BEX2: variants seen among roughly 807,000 people sequenced by gnomAD.
BEX2 encodes protein BEX2.
A neutral mutation model predicts 4.1 loss-of-function variants in BEX2; 2 were observed. The observed-to-expected ratio is 0.49, with a 90% CI of 0.20 to 1.53. The LOEUF (loss-of-function observed/expected upper bound fraction) is 1.53, where lower values mean the gene tolerates loss of function less well. BEX2 is among the 40% of genes most tolerant of loss of function. The probability of loss-of-function intolerance (pLI) is 0.23; values close to 1 mark genes in which losing one functional copy is unlikely to be tolerated. For missense variants in BEX2, 94 were observed against 99.9 expected, an observed-to-expected ratio of 0.94 and a Z score of 0.25; for synonymous variants, 34 against 35.9, an observed-to-expected ratio of 0.95 and a Z score of 0.19.
chrX:103,310,738 C>A (rs1250152676), intron 1 of BEX2, 122 bp downstream of exon 1: 2 of 712,086 alleles, frequency 2.8e-6, no homozygotes, highest in African/African-American at 4.4e-5. Context: ...GGTCCCGCGG[C>A]GGGGCCCCGG....
chrX:103,310,436 G>A lies in BEX2; in HGVS notation c.-81-3C>T, dbSNP rs1050980142. On this transcript the variant is annotated splice_region_variant and splice_polypyrimidine_tract_variant and intron_variant, in intron 1 of 2. Coordinates refer to ENST00000372677, the MANE Select transcript of BEX2 (RefSeq NM_032621.4). Reference sequence around the variant, plus strand: ...CCGCAACACTTGGCCCCGCAAACCTGCAGACGGCCGGGGTGGGAAGAGTGG... The same window carrying A: ...CCGCAACACTTGGCCCCGCAAACCTACAGACGGCCGGGGTGGGAAGAGTGG... 8.7e-7 allele frequency: 1 copy of A among 1,155,480 alleles called. No homozygotes were observed. The highest frequency in any genetic ancestry group is 1.8e-5 in the African/African-American group (1 of 56,006).
Position 103,310,348 on chromosome X carries a change from T to C in BEX2, c.-6+10A>G, listed in dbSNP as rs764029753. ...CTGACCCCCTCCCCACCACCGTCCC[T>C]CGCACTGACCTGGGCCTATCCTTGC... is the stretch of plus-strand genomic sequence containing the variant. On this transcript the variant is annotated intron_variant, in intron 2 of 2. Coordinates refer to ENST00000372677, the MANE Select transcript of BEX2 (RefSeq NM_032621.4). 1 of 1,153,918 alleles carries C rather than the reference T, an allele frequency of 8.7e-7. No homozygotes were observed. Among genetic ancestry groups the C allele is most frequent in the Non-Finnish European group, 1.1e-6 (1 of 871,643 alleles).
intron 1 of BEX2, 85 bp from the exon 2 acceptor site, chrX:103,310,518 G>T: frequency 8.7e-7 from 1 of 1,146,573 alleles, no homozygotes; most frequent in South Asian, 1.9e-5. Flanking sequence ...CCTTCCCCAC[G>T]CCGGGCCCGG....
At chrX:103,310,046 C>A (rs763466956) in intron 2 of BEX2, 65 bp from the exon 3 acceptor site, 44 of 1,072,157 alleles carry the variant, frequency 4.1e-5, no homozygotes, top group Non-Finnish European at 5.5e-5. Flanking sequence ...GACAGAGGCC[C>A]GACTACCCAC....
intron 1 of BEX2, 29 bp from the exon 2 acceptor site, chrX:103,310,462 G>C (rs1322067616): frequency 4.3e-6 from 5 of 1,155,017 alleles, no homozygotes; most frequent in African/African-American, 1.8e-5. Context: ...GGAAGAGTGG[G>C]GGCTGCTGCA....
At chrX:103,310,022 T>C (rs1377596930) in intron 2 of BEX2, 41 bp from the exon 3 acceptor site, 3 of 1,148,208 alleles carry the variant, frequency 2.6e-6, no homozygotes, top group Non-Finnish European at 3.5e-6. Flanking sequence ...CTTGGTGAAC[T>C]GATCAGCACC....
intron 2 of BEX2, 24 bp from the exon 3 acceptor site, chrX:103,310,005 C>T (rs923643151): frequency 5.1e-6 from 6 of 1,182,141 alleles, no homozygotes; most frequent in Non-Finnish European, 6.8e-6. Flanking sequence ...AGAAAATGGA[C>T]TCAATTCTTG....
intron 1 of BEX2, 178 bp from the exon 2 acceptor site, chrX:103,310,611 G>T: frequency 8.7e-7 from 1 of 1,155,915 alleles, no homozygotes; most frequent in South Asian, 1.9e-5. Flanking sequence ...GAAGGGCGGA[G>T]CAGGGGTGTT....
chrX:103,310,268 T>C (rs1277169116), intron 2 of BEX2, 90 bp downstream of exon 2: 2 of 979,417 alleles, frequency 2.0e-6, no homozygotes, highest in African/African-American at 3.9e-5. Context: ...GGGGGATTGC[T>C]AAGTGTGGGG....
Position 103,309,997 on chromosome X carries a change from AAAATGGAC to A in BEX2, c.-5-24_-5-17del. ...TCCATTACTCCTAGGAGACAGAGAG[AAAATGGAC>A]TCAATTCTTGGTGAACTGATCAGCA... On this transcript the variant is annotated splice_polypyrimidine_tract_variant and intron_variant, in intron 2 of 2. Transcript: ENST00000372677. The A allele has an allele frequency of 8.4e-7, 1 of 1,185,325 alleles. No homozygotes were observed. The highest frequency in any genetic ancestry group is 1.1e-6 in the Non-Finnish European group (1 of 882,886).
chrX:103,310,955 C>A lies in BEX2; in HGVS notation c.-177G>T, dbSNP rs768748935. 104 of 188,304 alleles carry A rather than the reference C, an allele frequency of 5.5e-4. No individual in the cohort carries two copies. The East Asian group carries it at 0.013, about 24-fold the overall frequency. 15.5% of individuals were successfully genotyped at this position (188,304 alleles called of 1,213,427 possible). ...GTACCACTGCCGAGAAGGGAGCGAG[C>A]GACGGCGGTTCTGACGCCACAACGA... On this transcript the variant is annotated 5_prime_UTR_variant, in exon 1 of 3. Transcript: ENST00000372677.
rs757494935 is a variant in BEX2, at chrX:103,309,802, T to C, written c.175A>G (p.Arg59Gly). ...CATCTATACTGCAGGATGGGCTGCC[T>C]AACGCGGAACCGCCTACGGTTTCCT... Reference protein sequence around the residue: ...PRGNRRRFRVRQPILQYRWDI... With the variant: ...PRGNRRRFRVGQPILQYRWDI... The change falls in exon 3 of 3, where the codon AGG becomes GGG. Residue 59 changes from arginine (R) to glycine (G), a missense_variant. Arg to Gly is a moderately radical substitution (Grantham distance 125). Coordinates refer to ENST00000372677, the MANE Select transcript of BEX2 (RefSeq NM_032621.4). 68 of 1,210,376 alleles carry C rather than the reference T, an allele frequency of 5.6e-5. No individual in the cohort carries two copies. Among genetic ancestry groups the C allele is most frequent in the Middle Eastern group, 2.3e-4 (1 of 4,373 alleles).
At chrX:103,310,684 G>T in intron 1 of BEX2, 176 bp downstream of exon 1, 1 of 1,061,297 alleles carries the variant, frequency 9.4e-7, no homozygotes, top group African/African-American at 1.8e-5. Context: ...CAGGATCGCC[G>T]GCTCCCGCGG....
intron 2 of BEX2, 143 bp downstream of exon 2, chrX:103,310,215 C>A (rs1027756868): frequency 1.3e-6 from 1 of 752,066 alleles, no homozygotes; most frequent in Admixed American, 3.4e-5. Flanking sequence ...CATCTCCAGG[C>A]CTCTGCAGGC....
rs1926114844 is a variant in BEX2 at position 103,309,520 on chromosome X, A to G, written c.*70T>C. 6 of 1,161,939 alleles carry G rather than the reference A, an allele frequency of 5.2e-6. No individual in the cohort carries two copies. Among genetic ancestry groups the G allele is most frequent in the Non-Finnish European group, 6.9e-6 (6 of 869,099 alleles). On this transcript the variant is annotated 3_prime_UTR_variant, in exon 3 of 3. Coordinates refer to ENST00000372677, the MANE Select transcript of BEX2 (RefSeq NM_032621.4). The stretch of plus-strand genomic sequence containing the variant: ...GGTAACATCAAAACGTTTACGACAA[A>G]GGTACACCACAAATGTGTAAGTTTA...
chrX:103,310,052 C>A, intron 2 of BEX2, 71 bp from the exon 3 acceptor site: 1 of 1,074,146 alleles, frequency 9.3e-7, no homozygotes, highest in Non-Finnish European at 1.2e-6. Context: ...GGCCCGACTA[C>A]CCACCTTTCA....
At position 103,309,567 on chromosome X, in the gene BEX2, A is replaced by G. The variant is rs1429033149; in HGVS notation, c.*23T>C. 2 of 1,202,551 alleles carry G rather than the reference A, an allele frequency of 1.7e-6. No individual in the cohort carries two copies. Among genetic ancestry groups the G allele is most frequent in the Non-Finnish European group, 2.2e-6 (2 of 891,096 alleles). On this transcript the variant is annotated 3_prime_UTR_variant, in exon 3 of 3. Coordinates refer to ENST00000372677, the MANE Select transcript of BEX2 (RefSeq NM_032621.4). ...TTTAGGAAGCAGGGGTCTCCCTATT[A>G]ACTTCAGGGAAACCATCAGGATTCA... is the stretch of plus-strand genomic sequence containing the variant.
intron 1 of BEX2, 61 bp from the exon 2 acceptor site, chrX:103,310,494 G>A: frequency 8.7e-7 from 1 of 1,148,418 alleles, no homozygotes. Context: ...GAGAGGACCC[G>A]CCGCCACCCG....
chrX:103,310,701 G>T (rs1407359525), intron 1 of BEX2, 159 bp downstream of exon 1: 3 of 982,488 alleles, frequency 3.1e-6, no homozygotes, highest in Non-Finnish European at 4.1e-6. Flanking sequence ...GCGGGGCCGG[G>T]CACCCCTCCG....
Sources: allele counts gnomAD v4.1 joint callset, GRCh38; gene constraint gnomAD v4.1.1; transcripts MANE v1.5; gene names NCBI Gene and HGNC (gene_info 2026-07-23, HGNC 2026-07-21).